SYN2: variants seen among roughly 807,000 people sequenced by gnomAD.
The protein encoded by SYN2 is synapsin-2.
Under a neutral mutation model 50.9 loss-of-function variants are expected in SYN2, and 19 were observed. The ratio of observed to expected loss-of-function variants is 0.37; its 90% CI spans 0.26 to 0.55. The LOEUF (loss-of-function observed/expected upper bound fraction) is 0.55. Among genes scored for constraint, SYN2 ranks in the 20% least tolerant of loss-of-function variants. The probability of loss-of-function intolerance (pLI) is 0.81; values close to 1 mark genes in which losing one functional copy is unlikely to be tolerated. For missense variants in SYN2, 587 were observed against 576.4 expected (o/e 1.02, Z -0.19); for synonymous variants, 255 against 224.9 (o/e 1.13, Z -1.20).
chr3:12,162,404 T>C (rs1574874746), intron 7 of SYN2, among the ~76,000 whole-genome samples: 1 of 152,350 alleles, frequency 6.6e-6, no homozygotes, highest in Middle Eastern at 3.4e-3. Flanking sequence ...CTACATTAGT[T>C]ACCTGTACAT....
chr3:12,075,932 A>G (rs547795997), intron 1 of SYN2, among the ~76,000 whole-genome samples: 1 of 152,318 alleles, frequency 6.6e-6, no homozygotes, highest in Admixed American at 6.5e-5. Flanking sequence ...ACTATTTGCC[A>G]GTCACTGTTG....
intron 10 of SYN2, among the ~76,000 whole-genome samples, chr3:12,175,952 G>A (rs893832958): frequency 5.3e-5 from 8 of 152,184 alleles, no homozygotes; most frequent in East Asian, 1.9e-4. Context: ...GCCAGCTTGC[G>A]GGCTGCTGTG....
rs1401840469 is a variant in SYN2, at chr3:12,191,219, A to AGAACTGCTGATAT, written c.*594_*595insGAACTGCTGATAT. On this transcript the variant is annotated 3_prime_UTR_variant, in exon 13 of 13. Coordinates refer to ENST00000621198, the MANE Select transcript of SYN2 (RefSeq NM_133625.6). ...TCTGCTGATATTCGGGAGAACAAGG[A>AGAACTGCTGATAT]TCTGCAGTTTCCCCTTTTCTCCCCT... 1.0e-6 allele frequency: 1 copy of AGAACTGCTGATAT among 979,046 alleles called. No homozygotes were observed. The highest frequency in any genetic ancestry group is 1.2e-6 in the Non-Finnish European group (1 of 824,114). The allele number at this position is 979,046 out of a possible 1,614,324, so 60.6% of individuals were successfully genotyped here.
chr3:12,011,814 C>G (rs909252223), intron 1 of SYN2, among the ~76,000 whole-genome samples: 4 of 152,096 alleles, frequency 2.6e-5, no homozygotes, highest in African/African-American at 7.2e-5. Context: ...GAATAACAGA[C>G]AAAAATTAGT....
chr3:12,182,291 A>G (rs1698238501), intron 10 of SYN2, among the ~76,000 whole-genome samples: 2 of 152,212 alleles, frequency 1.3e-5, no homozygotes, highest in South Asian at 4.1e-4. Flanking sequence ...GCGAGTGCTC[A>G]CTGAGGACAT....
chr3:12,187,106 G>A (rs376236601), intron 11 of SYN2, among the ~76,000 whole-genome samples: 2 of 152,234 alleles, frequency 1.3e-5, no homozygotes, highest in Admixed American at 6.5e-5. Context: ...CGCCTCTGAC[G>A]GGGCCGCTCG....
chr3:12,083,614 A>G lies in SYN2; in HGVS notation c.378-57037A>G, dbSNP rs562156642. On this transcript the variant is annotated intron_variant, in intron 1 of 12. Coordinates refer to ENST00000621198, the MANE Select transcript of SYN2 (RefSeq NM_133625.6). Reference sequence around the variant, plus strand: ...AAGTGCTAATGTTCCTGAAATTCCTATGTCATTATAACTTCTGTTTTTGTG... The same window carrying G: ...AAGTGCTAATGTTCCTGAAATTCCTGTGTCATTATAACTTCTGTTTTTGTG... Among the ~76,000 whole-genome samples, 16 of 152,288 alleles carry G rather than the reference A, an allele frequency of 1.1e-4. No individual in the cohort carries two copies. The East Asian group carries it at 1.5e-3, about 15-fold the overall frequency.
chr3:12,059,859 A>G (rs1039310716), intron 1 of SYN2, among the ~76,000 whole-genome samples: 1 of 152,226 alleles, frequency 6.6e-6, no homozygotes, highest in Non-Finnish European at 1.5e-5. Flanking sequence ...CAAGACACCA[A>G]TTCATTAAAC....
chr3:12,013,588 C>T (rs905719138), intron 1 of SYN2, among the ~76,000 whole-genome samples: 1 of 152,140 alleles, frequency 6.6e-6, no homozygotes, highest in African/African-American at 2.4e-5. Flanking sequence ...TTTTTCCTTC[C>T]TATTCCAGCT....
chr3:12,178,955 A>G (rs1698155722), intron 10 of SYN2, among the ~76,000 whole-genome samples: 1 of 152,234 alleles, frequency 6.6e-6, no homozygotes, highest in Non-Finnish European at 1.5e-5. Context: ...ACTGTGCACC[A>G]TGCCCTTTTG....
chr3:12,141,450 A>G (rs1177730392), intron 2 of SYN2, among the ~76,000 whole-genome samples: 1 of 152,240 alleles, frequency 6.6e-6, no homozygotes, highest in Non-Finnish European at 1.5e-5. Context: ...TAGAGAGTAC[A>G]AGTAACTTGC....
At chr3:12,150,391 A>T (rs1358190203) in intron 4 of SYN2, among the ~76,000 whole-genome samples, 1 of 152,110 alleles carries the variant, frequency 6.6e-6, no homozygotes, top group Non-Finnish European at 1.5e-5. Context: ...GAATAAGGAG[A>T]GTTATGGATT....
Position 12,190,683 on chromosome 3 carries a change from A to C in SYN2, c.*58A>C. ...GGGAAAGGCATCTAAGACATTCACCAACAACAGTCAGCCAGCTTGGTGGTT... is the reference window on the plus strand; with the variant it reads ...GGGAAAGGCATCTAAGACATTCACCCACAACAGTCAGCCAGCTTGGTGGTT... On this transcript the variant is annotated 3_prime_UTR_variant, in exon 13 of 13. Transcript: ENST00000621198. 6.3e-7 allele frequency: 1 copy of C among 1,588,388 alleles called. No individual in the cohort carries two copies. The highest frequency in any genetic ancestry group is 8.6e-7 in the Non-Finnish European group (1 of 1,168,054).
intron 1 of SYN2, among the ~76,000 whole-genome samples, chr3:12,016,102 G>C (rs1694023997): frequency 6.6e-6 from 1 of 152,180 alleles, no homozygotes; most frequent in African/African-American, 2.4e-5. Context: ...AGATTCCAGT[G>C]ATATAGTGTG....
At chr3:12,183,641 T>TA (rs1698273952) in intron 11 of SYN2, 4 of 1,412,948 alleles carry the variant, frequency 2.8e-6, no homozygotes, top group Non-Finnish European at 3.7e-6. Flanking sequence ...AATGCTCACT[T>TA]ATGTTTTCTC....
chr3:12,139,000 C>T (rs1312384557), intron 1 of SYN2, among the ~76,000 whole-genome samples: 1 of 152,042 alleles, frequency 6.6e-6, no homozygotes, highest in Admixed American at 6.6e-5. Flanking sequence ...AATATACTAC[C>T]GGGCCCCTGC....
chr3:12,004,899 G>C lies in SYN2; in HGVS notation c.348G>C (p.Leu116=), dbSNP rs771267378. ...APAAARKAKV[L]LVVDEPHADW... is the part of the protein sequence containing the mutation. ...CAGCCGCCAGGAAGGCCAAGGTGCT[G>C]CTGGTGGTCGACGAGCCGCACGCCG... is the stretch of plus-strand genomic sequence containing the variant. Residue 116 remains leucine (L), a synonymous_variant, in exon 1 of 13, where the codon CTG becomes CTC. Coordinates refer to ENST00000621198, the MANE Select transcript of SYN2 (RefSeq NM_133625.6). 2 of 582,568 alleles carry C rather than the reference G, an allele frequency of 3.4e-6. No homozygotes were observed. Among genetic ancestry groups the C allele is most frequent in the East Asian group, 3.4e-5 (1 of 29,028 alleles). The allele number at this position is 582,568 out of a possible 1,614,324, so 36.1% of individuals were successfully genotyped here. A position where few individuals can be genotyped will look rare whatever the true frequency, so the allele number is the denominator to read the frequency against.
chr3:12,079,638 C>T (rs937199437), intron 1 of SYN2, among the ~76,000 whole-genome samples: 4 of 152,158 alleles, frequency 2.6e-5, no homozygotes, highest in Non-Finnish European at 4.4e-5. Flanking sequence ...AGACTTGCAT[C>T]CCAGGAATGA....
chr3:12,128,558 A>G (rs936064857), intron 1 of SYN2, among the ~76,000 whole-genome samples: 1 of 152,302 alleles, frequency 6.6e-6, no homozygotes, highest in African/African-American at 2.4e-5. Context: ...GGCTGAGGGA[A>G]TATTATCTTG....
Sources: allele counts gnomAD v4.1 joint callset (sites outside exome capture counted in the v4.1 genomes callset), GRCh38; gene constraint gnomAD v4.1.1; transcripts MANE v1.5; gene names NCBI Gene and HGNC (gene_info 2026-07-23, HGNC 2026-07-21).